The following PDE4D variants were observed in gnomAD, a reference collection of about 807,000 sequenced individuals.
PDE4D encodes phosphodiesterase 4D.
In PDE4D, 24 loss-of-function variants were observed where a neutral mutation model predicts 87.4. The observed-to-expected ratio is 0.27, with a 90% CI of 0.20 to 0.39. PDE4D has a LOEUF of 0.39. Ranked by LOEUF, PDE4D falls within the 10% of genes least tolerant of loss-of-function variation. The pLI is 1.00. For missense variants in PDE4D, 714 were observed against 1,041.0 expected (o/e 0.69, Z 4.32); for synonymous variants, 384 against 383.2 (o/e 1.00, Z -0.02).
intron 3 of PDE4D, among the ~76,000 whole-genome samples, chr5:59,186,192 T>C (rs761516546): frequency 3.9e-5 from 6 of 152,226 alleles, no homozygotes; most frequent in Non-Finnish European, 7.4e-5. Context: ...AATGTCTGAG[T>C]AGGTATTACC....
intron 1 of PDE4D, among the ~76,000 whole-genome samples, chr5:59,519,101 CCT>C (rs1437851190): frequency 1.1e-4 from 17 of 152,144 alleles, no homozygotes; most frequent in African/African-American, 4.1e-4. Context: ...TTTCAACTTT[CCT>C]CTTTCTCTCT....
chr5:59,747,749 C>CTCATTTATT (rs1248242541), intron 1 of PDE4D, among the ~76,000 whole-genome samples: 3 of 152,264 alleles, frequency 2.0e-5, no homozygotes, highest in Middle Eastern at 3.4e-3. Context: ...ACTCTTCTTT[C>CTCATTTATT]TCATTTATTG....
chr5:59,607,015 T>C (rs295960), intron 1 of PDE4D, among the ~76,000 whole-genome samples: 131,082 of 151,910 alleles, frequency 0.86, 56,613 homozygotes, highest in South Asian at 0.93. Context: ...GGTTAAAAAG[T>C]AACCAATATT....
At chr5:59,039,639 C>T in intron 5 of PDE4D, 3 of 419,142 alleles carry the variant, frequency 7.2e-6, no homozygotes, top group Non-Finnish European at 9.6e-6. Context: ...CTCCTCAACC[C>T]CCTTACGAAA....
At chr5:60,518,382 C>G (rs1361315180) in intron 1 of PDE4D, among the ~76,000 whole-genome samples, 1 of 152,218 alleles carries the variant, frequency 6.6e-6, no homozygotes, top group East Asian at 1.9e-4. Context: ...CCCCAAGGAT[C>G]CTGTGACATT....
intron 1 of PDE4D, among the ~76,000 whole-genome samples, chr5:60,194,396 T>C (rs1182728413): frequency 6.6e-6 from 1 of 151,754 alleles, no homozygotes; most frequent in Non-Finnish European, 1.5e-5. Flanking sequence ...AACTTCTTGC[T>C]ACTTCACGGG....
chr5:60,049,720 C>A (rs1356286804), intron 2 of PDE4D, among the ~76,000 whole-genome samples: 6 of 152,196 alleles, frequency 3.9e-5, no homozygotes, highest in Non-Finnish European at 7.3e-5. Context: ...GCAGTCTGCC[C>A]GTTCTCAGAT....
chr5:59,948,338 AT>A (rs1757925068), intron 3 of PDE4D, among the ~76,000 whole-genome samples: 1 of 152,214 alleles, frequency 6.6e-6, no homozygotes. Context: ...GTAATGCCAT[AT>A]ATAAGTTCTG....
intron 1 of PDE4D, among the ~76,000 whole-genome samples, chr5:59,218,957 C>T (rs1438126309): frequency 6.9e-6 from 1 of 145,474 alleles, no homozygotes; most frequent in Non-Finnish European, 1.5e-5. Flanking sequence ...AAAAACCAAA[C>T]ACCGCATATT....
At chr5:59,360,147 T>C (rs1781983404) in intron 1 of PDE4D, among the ~76,000 whole-genome samples, 2 of 152,164 alleles carry the variant, frequency 1.3e-5, no homozygotes, top group African/African-American at 4.8e-5. Context: ...ATAGCTACTA[T>C]GAATAAAAAT....
chr5:59,545,193 C>T (rs1437164063), intron 1 of PDE4D, among the ~76,000 whole-genome samples: 7 of 152,056 alleles, frequency 4.6e-5, no homozygotes, highest in Admixed American at 3.9e-4. Context: ...AAGATGGGAA[C>T]TCCATATTAT....
At chr5:59,556,879 G>A (rs1413334362) in intron 1 of PDE4D, among the ~76,000 whole-genome samples, 2 of 152,170 alleles carry the variant, frequency 1.3e-5, no homozygotes, top group African/African-American at 2.4e-5. Context: ...GGGAGGAAGG[G>A]AAGGACAAAG....
intron 1 of PDE4D, among the ~76,000 whole-genome samples, chr5:60,353,147 C>T (rs937156584): frequency 3.3e-5 from 5 of 152,306 alleles, no homozygotes; most frequent in African/African-American, 1.2e-4. Flanking sequence ...ACTGCTGCCT[C>T]TTCTGGGATC....
At chr5:60,143,189 ATGAAGCATATTGTTT>A (rs1219810374) in intron 2 of PDE4D, among the ~76,000 whole-genome samples, 3 of 152,210 alleles carry the variant, frequency 2.0e-5, no homozygotes, top group Admixed American at 6.5e-5. Context: ...TGAACAAATA[ATGAAGCATATTGTTT>A]TCATAAACCT....
intron 1 of PDE4D, among the ~76,000 whole-genome samples, chr5:59,451,493 T>C (rs933950927): frequency 5.9e-5 from 9 of 152,216 alleles, no homozygotes; most frequent in African/African-American, 1.9e-4. Flanking sequence ...AACCGACATA[T>C]ACCTGAAGTT....
chr5:59,087,282 C>T (rs1025030800), intron 5 of PDE4D, among the ~76,000 whole-genome samples: 16 of 151,928 alleles, frequency 1.1e-4, no homozygotes, highest in Non-Finnish European at 1.8e-4. Flanking sequence ...ACCAGGAGTT[C>T]GAGACCAGCC....
chr5:60,422,839 G>T (rs950570867), intron 1 of PDE4D, among the ~76,000 whole-genome samples: 1 of 152,160 alleles, frequency 6.6e-6, no homozygotes, highest in African/African-American at 2.4e-5. Flanking sequence ...AAAATAAAGG[G>T]ATGTAAGAAG....
At chr5:60,061,222 C>G (rs927413795) in intron 2 of PDE4D, among the ~76,000 whole-genome samples, 1 of 152,148 alleles carries the variant, frequency 6.6e-6, no homozygotes, top group African/African-American at 2.4e-5. Flanking sequence ...TGATAAGCAA[C>G]TTCAGCAAAG....
At chr5:60,119,614 TA>T (rs1778488645) in intron 2 of PDE4D, among the ~76,000 whole-genome samples, 1 of 152,184 alleles carries the variant, frequency 6.6e-6, no homozygotes, top group South Asian at 2.1e-4. Context: ...TCATTTATTA[TA>T]AGGACATAAT....
Sources: allele counts gnomAD v4.1 joint callset (sites outside exome capture counted in the v4.1 genomes callset), GRCh38; gene constraint gnomAD v4.1.1; transcripts MANE v1.5; gene names NCBI Gene and HGNC (gene_info 2026-07-23, HGNC 2026-07-21).